KBTBD2: variants seen among roughly 807,000 people sequenced by gnomAD.
KBTBD2 encodes the protein kelch repeat and BTB domain-containing protein 2.
KBTBD2 carries 17 observed loss-of-function variants against 57.1 expected under a neutral mutation model. The observed-to-expected ratio is 0.30, with a 90% CI of 0.20 to 0.45. The LOEUF is 0.45. Among genes scored for constraint, KBTBD2 ranks in the 20% least tolerant of loss-of-function variants. The pLI is 1.00. For missense variants in KBTBD2, 515 were observed against 750.6 expected (o/e 0.69, Z 3.67); for synonymous variants, 267 against 262.7 (o/e 1.02, Z -0.16).
chr7:32,874,909 T>G, intron 3 of KBTBD2, 83 bp downstream of exon 3: 3 of 1,132,794 alleles, frequency 2.6e-6, no homozygotes, highest in Non-Finnish European at 3.8e-6. Flanking sequence ...AGGCGGAGGT[T>G]GCAGTGAGCG....
chr7:32,880,878 G>A (rs371838126), intron 1 of KBTBD2, among the ~76,000 whole-genome samples: 7 of 152,210 alleles, frequency 4.6e-5, no homozygotes, highest in Non-Finnish European at 4.4e-5. Flanking sequence ...CGAGGCAGGC[G>A]GATCACAACG....
rs1784099525 is a variant in KBTBD2, at chr7:32,869,097, A to T, written c.*248T>A. 1.3e-5 allele frequency: 5 copies of T among 392,464 alleles called. No individual in the cohort carries two copies. The highest frequency in any genetic ancestry group is 1.8e-5 in the Non-Finnish European group (4 of 219,482). The allele number at this position is 392,464 out of a possible 1,614,324, so 24.3% of individuals were successfully genotyped here. On this transcript the variant is annotated 3_prime_UTR_variant, in exon 4 of 4. Coordinates refer to ENST00000304056, the MANE Select transcript of KBTBD2 (RefSeq NM_015483.3). ...ACAATGTTAGATAATCCAGATTCTT[A>T]TACTCTCATGATTACACATAAAGTT...
At chr7:32,878,198 G>A (rs1784360775) in intron 2 of KBTBD2, among the ~76,000 whole-genome samples, 1 of 152,056 alleles carries the variant, frequency 6.6e-6, no homozygotes, top group Admixed American at 6.6e-5. Context: ...GGATGTGTTA[G>A]GGAATGTGAA....
intron 3 of KBTBD2, among the ~76,000 whole-genome samples, chr7:32,872,589 G>A (rs1486721868): frequency 2.6e-5 from 4 of 152,102 alleles, no homozygotes; most frequent in Non-Finnish European, 4.4e-5. Flanking sequence ...AAGGCTGGGG[G>A]ATGACTTGAG....
In KBTBD2 at chr7:32,879,605, G is replaced by T; in HGVS notation, c.-1C>A. On this transcript the variant is annotated 5_prime_UTR_variant, in exon 2 of 4. Coordinates refer to ENST00000304056, the MANE Select transcript of KBTBD2 (RefSeq NM_015483.3). ...TCTGCCTCTCGTCTTGAGTGGACAT[G>T]ACTGTATTCCATTAATATCTCCAGG... 1 of 1,611,472 alleles carries T rather than the reference G, an allele frequency of 6.2e-7. No homozygotes were observed. Among genetic ancestry groups the T allele is most frequent in the South Asian group, 1.1e-5 (1 of 90,880 alleles).
intron 1 of KBTBD2, among the ~76,000 whole-genome samples, chr7:32,880,857 C>T (rs1008340088): frequency 2.6e-5 from 4 of 152,080 alleles, no homozygotes; most frequent in Non-Finnish European, 1.5e-5. Flanking sequence ...AATCCCAGCA[C>T]TTTGGTAGGC....
At chr7:32,886,397 T>C (rs1583791644) in intron 1 of KBTBD2, among the ~76,000 whole-genome samples, 1 of 152,306 alleles carries the variant, frequency 6.6e-6, no homozygotes, top group East Asian at 1.9e-4. Context: ...TTTGAAACAT[T>C]GTTACTAAAT....
chr7:32,875,186 G>T, intron 2 of KBTBD2, 29 bp from the exon 3 acceptor site: 2 of 1,602,838 alleles, frequency 1.2e-6, no homozygotes, highest in Non-Finnish European at 1.7e-6. Context: ...AAACAAAGTT[G>T]TAAGGGTTTT....
intron 1 of KBTBD2, among the ~76,000 whole-genome samples, chr7:32,884,365 G>C (rs1429098361): frequency 2.4e-5 from 3 of 123,844 alleles, no homozygotes; most frequent in Non-Finnish European, 5.0e-5. Context: ...GCAACAGCAA[G>C]ATTCTGCCTC....
Position 32,879,950 on chromosome 7 carries a change from G to A in KBTBD2, c.-338-8C>T. On this transcript the variant is annotated splice_region_variant and splice_polypyrimidine_tract_variant and intron_variant, in intron 1 of 3. Transcript: ENST00000304056. ...GCGGATCCTGTGGAGTAACTAAAAA[G>A]AAAAAAAGTTCAGTTGTAGTATCTA... 5.1e-6 allele frequency: 1 copy of A among 197,570 alleles called. No individual in the cohort carries two copies. The highest frequency in any genetic ancestry group is 1.0e-5 in the Non-Finnish European group (1 of 98,354). The allele number at this position is 197,570 out of a possible 1,614,324, so 12.2% of individuals were successfully genotyped here.
intron 1 of KBTBD2, among the ~76,000 whole-genome samples, chr7:32,880,352 C>T (rs1455510653): frequency 6.6e-6 from 1 of 152,020 alleles, no homozygotes; most frequent in African/African-American, 2.4e-5. Context: ...CTCTCCTACA[C>T]AGAGATTTCT....
chr7:32,878,263 TCCTGTCTA>T (rs989918762), intron 2 of KBTBD2, among the ~76,000 whole-genome samples: 3 of 152,086 alleles, frequency 2.0e-5, no homozygotes, highest in African/African-American at 7.2e-5. Flanking sequence ...ATGAAATCTA[TCCTGTCTA>T]TAGCTGCCAT....
chr7:32,877,934 C>T (rs970824928), intron 2 of KBTBD2, among the ~76,000 whole-genome samples: 1 of 151,476 alleles, frequency 6.6e-6, no homozygotes, highest in African/African-American at 2.4e-5. Flanking sequence ...CATGGTGAAA[C>T]CCCGTCTCTA....
At chr7:32,876,519 TAAGTG>T (rs1382003146) in intron 2 of KBTBD2, among the ~76,000 whole-genome samples, 1 of 152,150 alleles carries the variant, frequency 6.6e-6, no homozygotes, top group Non-Finnish European at 1.5e-5. Context: ...TGACAAAATG[TAAGTG>T]ATAAATGTAG....
intron 3 of KBTBD2, 96 bp from the exon 4 acceptor site, chr7:32,870,976 A>G (rs1304926657): frequency 1.0e-5 from 7 of 688,490 alleles, no homozygotes; most frequent in African/African-American, 3.6e-5. Context: ...AGATGCCCAT[A>G]GTGTAATTTT....
rs1784742973 is a variant in KBTBD2, at chr7:32,891,550, C to G, written c.-353G>C. 1.3e-5 allele frequency: 2 copies of G among 151,034 alleles called. No individual in the cohort carries two copies. The highest frequency in any genetic ancestry group is 4.1e-4 in the South Asian group (2 of 4,828). The allele number at this position is 151,034 out of a possible 1,614,324, so 9.4% of individuals were successfully genotyped here. A position where few individuals can be genotyped will look rare whatever the true frequency, so the allele number is the denominator to read the frequency against. ...CGCCTGCTCACCCGCGTCCCTCGGT[C>G]CGGAGGTGTGGGATCCGCTCCAGCC... On this transcript the variant is annotated 5_prime_UTR_variant, in exon 1 of 4. Coordinates refer to ENST00000304056, the MANE Select transcript of KBTBD2 (RefSeq NM_015483.3).
chr7:32,874,763 G>A lies in KBTBD2; in HGVS notation c.336+229C>T, dbSNP rs561170510. ...AATCCCAGCACTTTGGGAGGCCAAG[G>A]CAGGTGGATCACGAGGTCAGGAGAT... On this transcript the variant is annotated intron_variant, in intron 3 of 3. Coordinates refer to ENST00000304056, the MANE Select transcript of KBTBD2 (RefSeq NM_015483.3). 104 of 364,362 alleles carry A rather than the reference G, an allele frequency of 2.9e-4. 1 individual carries two copies. The highest frequency in any genetic ancestry group is 3.5e-5 in the Non-Finnish European group (7 of 197,820). The allele number at this position is 364,362 out of a possible 1,614,324, so 22.6% of individuals were successfully genotyped here. A position where few individuals can be genotyped will look rare whatever the true frequency, so the allele number is the denominator to read the frequency against.
At chr7:32,887,675 T>G (rs948187004) in intron 1 of KBTBD2, among the ~76,000 whole-genome samples, 10 of 152,206 alleles carry the variant, frequency 6.6e-5, no homozygotes, top group African/African-American at 2.4e-4. Context: ...CAAATGTCAA[T>G]AGAGAAGATT....
chr7:32,869,492 C>G lies in KBTBD2; in HGVS notation c.1725G>C (p.Leu575Phe). 6.2e-7 allele frequency: 1 copy of G among 1,614,088 alleles called. No individual in the cohort carries two copies. The highest frequency in any genetic ancestry group is 8.5e-7 in the Non-Finnish European group (1 of 1,179,996). Residue 575 changes from leucine to phenylalanine, a missense_variant, in exon 4 of 4, where the codon TTG (leucine) becomes TTC (phenylalanine). By Grantham distance (22) the Leu-to-Phe change is conservative (BLOSUM62 0). Transcript: ENST00000304056. ...CCACAGTGCATCGAAAATCTCTCCCCAAGTCCCACAGTACACGTTCAGATA... is the reference window on the plus strand; with the variant it reads ...CCACAGTGCATCGAAAATCTCTCCCGAAGTCCCACAGTACACGTTCAGATA... ...QHISERVLWDLGRDFRCTVGK... is the reference protein window; with the variant it reads ...QHISERVLWDFGRDFRCTVGK...
Sources: allele counts gnomAD v4.1 joint callset (sites outside exome capture counted in the v4.1 genomes callset), GRCh38; gene constraint gnomAD v4.1.1; transcripts MANE v1.5; gene names NCBI Gene and HGNC (gene_info 2026-07-23, HGNC 2026-07-21).